The following ATP9B variants were observed in gnomAD, a reference collection of about 807,000 sequenced individuals.
The protein encoded by ATP9B is ATPase phospholipid transporting 9B, also known as probable phospholipid-transporting ATPase IIB.
ATP9B carries 110 observed loss-of-function variants against 146.1 expected under a neutral mutation model. The ratio of observed to expected loss-of-function variants is 0.75; its 90% CI spans 0.65 to 0.88. The LOEUF is 0.88. ATP9B is among the 40% of genes least tolerant of loss of function. The pLI is 0.00. For missense variants in ATP9B, 1,499 were observed against 1,496.4 expected, an observed-to-expected ratio of 1.00 and a Z score of -0.03; for synonymous variants, 604 against 569.7, an observed-to-expected ratio of 1.06 and a Z score of -0.86.
At chr18:79,262,993 A>G (rs73002516) in intron 12 of ATP9B, among the ~76,000 whole-genome samples, 3 of 152,342 alleles carry the variant, frequency 2.0e-5, no homozygotes, top group Non-Finnish European at 2.9e-5. Context: ...ATTTTAATCT[A>G]TCAAAAAAGT....
chr18:79,199,454 C>CT (rs929158713), intron 9 of ATP9B, among the ~76,000 whole-genome samples: 12 of 151,708 alleles, frequency 7.9e-5, no homozygotes, highest in African/African-American at 2.9e-4. Context: ...ACTTTTTAAA[C>CT]TTTTTTTTGT....
intron 26 of ATP9B, chr18:79,363,952 A>C (rs1349734940): frequency 6.6e-6 from 1 of 152,242 alleles, no homozygotes; most frequent in African/African-American, 2.4e-5. Flanking sequence ...AGGGAACTCG[A>C]ATTGCCAAAA....
intron 13 of ATP9B, among the ~76,000 whole-genome samples, chr18:79,288,157 A>G (rs1301806726): frequency 6.6e-6 from 1 of 151,254 alleles, no homozygotes; most frequent in African/African-American, 2.4e-5. Context: ...GCTGAGTTCA[A>G]TTCCTGGGTA....
chr18:79,273,494 G>C (rs2096276736), intron 12 of ATP9B, among the ~76,000 whole-genome samples: 1 of 152,174 alleles, frequency 6.6e-6, no homozygotes, highest in African/African-American at 2.4e-5. Context: ...TAAAACTTCT[G>C]ATTAAATGAC....
intron 8 of ATP9B, among the ~76,000 whole-genome samples, chr18:79,178,581 G>A (rs1458900043): frequency 2.6e-5 from 4 of 152,070 alleles, no homozygotes; most frequent in South Asian, 2.1e-4. Flanking sequence ...TCATGAATGG[G>A]TGTTAGATTT....
At chr18:79,297,013 A>C (rs2096554567) in intron 13 of ATP9B, among the ~76,000 whole-genome samples, 1 of 146,380 alleles carries the variant, frequency 6.8e-6, no homozygotes, top group South Asian at 2.2e-4. Context: ...ACCCAGAGAG[A>C]AGACAGAGAC....
At chr18:79,188,122 A>C (rs1228499749) in intron 8 of ATP9B, among the ~76,000 whole-genome samples, 2 of 152,182 alleles carry the variant, frequency 1.3e-5, no homozygotes, top group Admixed American at 6.5e-5. Context: ...CAAATGTAAA[A>C]GCCCAGCCCA....
chr18:79,363,018 TA>T, intron 26 of ATP9B: 1 of 152,044 alleles, frequency 6.6e-6, no homozygotes, highest in South Asian at 2.1e-4. Context: ...AAAGGAAATT[TA>T]AAACATTGAG....
chr18:79,296,608 A>G (rs2146299074), intron 13 of ATP9B, among the ~76,000 whole-genome samples: 1 of 152,358 alleles, frequency 6.6e-6, no homozygotes, highest in East Asian at 1.9e-4. Flanking sequence ...GATTCCACAC[A>G]GAAAATATTT....
At chr18:79,189,305 C>A (rs1432991247) in intron 8 of ATP9B, among the ~76,000 whole-genome samples, 1 of 152,108 alleles carries the variant, frequency 6.6e-6, no homozygotes, top group Non-Finnish European at 1.5e-5. Context: ...CGAGATCTTG[C>A]CGCTGCACTC....
At chr18:79,320,948 G>T (rs187307638) in intron 15 of ATP9B, among the ~76,000 whole-genome samples, 1 of 152,306 alleles carries the variant, frequency 6.6e-6, no homozygotes, top group East Asian at 1.9e-4. Flanking sequence ...CTTTAGGAAA[G>T]TGTGTATATT....
chr18:79,342,561 C>G (rs1365117575), intron 20 of ATP9B, among the ~76,000 whole-genome samples, 195 bp downstream of exon 20: 1 of 151,792 alleles, frequency 6.6e-6, no homozygotes, highest in Non-Finnish European at 1.5e-5. Context: ...ACAATGTGCA[C>G]ATGTACCCTA....
chr18:79,356,154 A>C (rs1340297364), intron 25 of ATP9B, among the ~76,000 whole-genome samples: 2 of 152,198 alleles, frequency 1.3e-5, no homozygotes, highest in Non-Finnish European at 2.9e-5. Flanking sequence ...TGATGAGCGC[A>C]TCGTCAGCCA....
In ATP9B at chr18:79,377,394, A is replaced by T. The variant is rs1416417742; in HGVS notation, c.*11A>T. On this transcript the variant is annotated 3_prime_UTR_variant, in exon 30 of 30. Coordinates refer to ENST00000426216, the MANE Select transcript of ATP9B (RefSeq NM_198531.5). ...AAGCTGGCCTCCTAAGGGGCTGTGC[A>T]CCCCCAGCGGGCTGGCCCCAGCACC... 1.2e-6 allele frequency: 2 copies of T among 1,604,944 alleles called. No homozygotes were observed. Among genetic ancestry groups the T allele is most frequent in the African/African-American group, 2.7e-5 (2 of 74,906 alleles).
intron 25 of ATP9B, among the ~76,000 whole-genome samples, chr18:79,355,702 A>C (rs1482999905): frequency 1.3e-5 from 2 of 152,238 alleles, no homozygotes; most frequent in Non-Finnish European, 2.9e-5. Context: ...GGGCAGGGCT[A>C]GGAACTTACT....
At chr18:79,241,403 C>G (rs1369539969) in intron 11 of ATP9B, among the ~76,000 whole-genome samples, 1 of 152,062 alleles carries the variant, frequency 6.6e-6, no homozygotes, top group East Asian at 1.9e-4. Context: ...TTCTTAGATC[C>G]CCCGTAGTGT....
chr18:79,171,795 T>TG (rs1200403673), intron 7 of ATP9B, among the ~76,000 whole-genome samples: 2 of 152,298 alleles, frequency 1.3e-5, no homozygotes, highest in African/African-American at 4.8e-5. Context: ...TGGGTAACCT[T>TG]GAATTTGTCT....
intron 4 of ATP9B, among the ~76,000 whole-genome samples, chr18:79,114,756 G>A (rs944626547): frequency 7.2e-5 from 11 of 152,068 alleles, no homozygotes; most frequent in South Asian, 2.1e-4. Flanking sequence ...ACACTGTGGC[G>A]CTCATCCCAT....
intron 26 of ATP9B, chr18:79,363,441 G>A (rs1191558020): frequency 6.6e-6 from 1 of 152,312 alleles, no homozygotes; most frequent in African/African-American, 2.4e-5. Flanking sequence ...TGGATCAAGA[G>A]GCATAAACAG....
Sources: allele counts gnomAD v4.1 joint callset (sites outside exome capture counted in the v4.1 genomes callset), GRCh38; gene constraint gnomAD v4.1.1; transcripts MANE v1.5; gene names NCBI Gene and HGNC (gene_info 2026-07-23, HGNC 2026-07-21).